Variants in SYT9 observed in about 807,000 individuals in gnomAD.
The protein encoded by SYT9 is synaptotagmin-9.
In SYT9, 22 loss-of-function variants were observed where a neutral mutation model predicts 48.4. The ratio of observed to expected loss-of-function variants is 0.45; its 90% CI spans 0.32 to 0.65. The LOEUF (loss-of-function observed/expected upper bound fraction) is 0.65. Among genes scored for constraint, SYT9 ranks in the 30% least tolerant of loss-of-function variants. The pLI is 0.03. For missense variants in SYT9, 577 were observed against 622.0 expected (o/e 0.93, Z 0.77); for synonymous variants, 265 against 245.0 (o/e 1.08, Z -0.76).
chr11:7,431,265 G>C (rs543707077), intron 6 of SYT9, among the ~76,000 whole-genome samples: 3 of 152,232 alleles, frequency 2.0e-5, no homozygotes, highest in Non-Finnish European at 4.4e-5. Flanking sequence ...GGATTTGTGG[G>C]AGTTTGCACA....
chr11:7,443,365 G>A (rs1847865109), intron 6 of SYT9, among the ~76,000 whole-genome samples: 1 of 152,250 alleles, frequency 6.6e-6, no homozygotes, highest in African/African-American at 2.4e-5. Flanking sequence ...ACCTGGTACT[G>A]TATTCTGTCT....
intron 3 of SYT9, among the ~76,000 whole-genome samples, chr11:7,323,246 AAG>A (rs1849368950): frequency 6.6e-6 from 1 of 152,130 alleles, no homozygotes; most frequent in Non-Finnish European, 1.5e-5. Flanking sequence ...TTGTATCTCT[AAG>A]AAGTTTGACC....
chr11:7,453,435 C>T (rs1285997706), intron 6 of SYT9, among the ~76,000 whole-genome samples: 1 of 152,164 alleles, frequency 6.6e-6, no homozygotes, highest in Admixed American at 6.5e-5. Flanking sequence ...GTTTACTGAG[C>T]CCCGCCATAT....
intron 3 of SYT9, among the ~76,000 whole-genome samples, chr11:7,361,829 G>A (rs923325): frequency 0.99 from 150,742 of 152,310 alleles, 74,607 homozygotes; most frequent in East Asian, 1. Context: ...AAATTTAGTA[G>A]TAGCTCAGGA....
upstream of SYT9, among the ~76,000 whole-genome samples, chr11:7,250,381 G>A (rs1240234178): frequency 6.6e-6 from 1 of 151,880 alleles, no homozygotes; most frequent in Non-Finnish European, 1.5e-5. Context: ...TGACATGATG[G>A]CATTAGGGTA....
chr11:7,318,286 T>G (rs1013824848), intron 3 of SYT9, among the ~76,000 whole-genome samples: 1 of 152,116 alleles, frequency 6.6e-6, no homozygotes, highest in Non-Finnish European at 1.5e-5. Flanking sequence ...TGTTAATATA[T>G]CTTCTATTTG....
At chr11:7,466,720 CAA>C (rs369543339) in intron 6 of SYT9, 70 bp from the exon 7 acceptor site, 16,678 of 1,230,856 alleles carry the variant, frequency 0.014, no homozygotes, top group East Asian at 0.032. Flanking sequence ...GACTCTGTCT[CAA>C]AAAAAAAAAA....
At chr11:7,277,764 C>T (rs1848424687) in intron 1 of SYT9, among the ~76,000 whole-genome samples, 1 of 152,186 alleles carries the variant, frequency 6.6e-6, no homozygotes, top group Admixed American at 6.5e-5. Context: ...AGACCTTTAT[C>T]ATCAACTTGT....
At chr11:7,443,141 T>C (rs4076555) in intron 6 of SYT9, among the ~76,000 whole-genome samples, 63,317 of 152,016 alleles carry the variant, frequency 0.42, 15,872 homozygotes, top group African/African-American at 0.7. Flanking sequence ...CTGCCTAACA[T>C]GTTCACCTGA....
intron 1 of SYT9, among the ~76,000 whole-genome samples, chr11:7,278,692 T>C (rs1848441315): frequency 6.6e-6 from 1 of 152,214 alleles, no homozygotes. Flanking sequence ...AAACTAGGTA[T>C]AGTTTTAAGT....
chr11:7,239,251 G>T (rs957898160), intron 1 of SYT9, among the ~76,000 whole-genome samples: 1 of 152,080 alleles, frequency 6.6e-6, no homozygotes, highest in Non-Finnish European at 1.5e-5. Flanking sequence ...CAGAAGAAGG[G>T]GACTGCAGGG....
In SYT9 at chr11:7,354,278, A is replaced by G. The variant is rs751518192; in HGVS notation, c.1044+40337A>G. On this transcript the variant is annotated intron_variant, in intron 3 of 6. Coordinates refer to ENST00000318881, the MANE Select transcript of SYT9 (RefSeq NM_175733.4). The stretch of plus-strand genomic sequence containing the variant: ...ACCTATACTCCAGCCATAGTGATCC[A>G]CATAAAAATCACATCACTCACTTGC... Among the ~76,000 whole-genome samples the G allele has an allele frequency of 2.4e-4, 36 of 152,164 alleles. 1 individual carries two copies. The highest frequency in any genetic ancestry group is 3.5e-4 in the Non-Finnish European group (24 of 68,020).
At chr11:7,299,861 T>C (rs1479632875) in intron 1 of SYT9, among the ~76,000 whole-genome samples, 1 of 152,176 alleles carries the variant, frequency 6.6e-6, no homozygotes, top group Non-Finnish European at 1.5e-5. Context: ...CTATGGTTAC[T>C]AGTTAAAGTG....
chr11:7,431,278 A>C (rs1402675656), intron 6 of SYT9, among the ~76,000 whole-genome samples: 2 of 152,222 alleles, frequency 1.3e-5, no homozygotes, highest in Non-Finnish European at 2.9e-5. Flanking sequence ...TTTGCACATG[A>C]GAGTGATGAT....
At chr11:7,364,015 A>C (rs1850196486) in intron 3 of SYT9, among the ~76,000 whole-genome samples, 1 of 152,202 alleles carries the variant, frequency 6.6e-6, no homozygotes, top group Non-Finnish European at 1.5e-5. Context: ...TTCAAGGAAG[A>C]GGTTTATTTA....
At chr11:7,301,027 C>T (rs1589926317) in intron 1 of SYT9, among the ~76,000 whole-genome samples, 2 of 152,174 alleles carry the variant, frequency 1.3e-5, no homozygotes, top group African/African-American at 4.8e-5. Flanking sequence ...CTTCATTTGC[C>T]TGTGTTAAAT....
intron 3 of SYT9, among the ~76,000 whole-genome samples, chr11:7,363,950 A>T (rs544786497): frequency 6.6e-6 from 1 of 152,328 alleles, no homozygotes; most frequent in East Asian, 1.9e-4. Context: ...TTTTAGAGAA[A>T]TTTGGCCAGA....
intron 1 of SYT9, among the ~76,000 whole-genome samples, chr11:7,243,768 T>A (rs1349765639): frequency 6.6e-6 from 1 of 152,160 alleles, no homozygotes; most frequent in Admixed American, 6.5e-5. Context: ...TTTTCTGGCA[T>A]CTTTTTGGCT....
At chr11:7,342,118 A>C (rs1395765372) in intron 3 of SYT9, among the ~76,000 whole-genome samples, 1 of 152,178 alleles carries the variant, frequency 6.6e-6, no homozygotes, top group Non-Finnish European at 1.5e-5. Flanking sequence ...GCGACAATTC[A>C]AGATGAGATT....
Sources: gnomAD v4.1 joint callset for allele counts (sites outside exome capture counted in the v4.1 genomes callset) on GRCh38, gnomAD v4.1.1 for gene constraint, MANE v1.5 for transcripts, NCBI Gene and HGNC (gene_info 2026-07-23, HGNC 2026-07-21) for gene names.